The following NR6A1 variants were observed in gnomAD, a reference collection of about 807,000 sequenced individuals.
NR6A1 encodes the protein retinoic acid receptor-related testis-associated receptor.
Under a neutral mutation model 59.1 loss-of-function variants are expected in NR6A1, and 7 were observed. The ratio of observed to expected loss-of-function variants is 0.12; its 90% CI spans 0.07 to 0.22. The LOEUF is 0.22. Among genes scored for constraint, NR6A1 ranks in the 10% least tolerant of loss-of-function variants. The pLI, the probability that NR6A1 is intolerant of heterozygous loss-of-function variation, is 1.00. For missense variants in NR6A1, 468 were observed against 611.6 expected, an observed-to-expected ratio of 0.77 and a Z score of 2.48; for synonymous variants, 243 against 236.1, an observed-to-expected ratio of 1.03 and a Z score of -0.27.
At position 124,636,872 on chromosome 9, in the gene NR6A1, T is replaced by G. The variant is rs542526793; in HGVS notation, c.143-82302A>C. ...AGATCTGCCATTACATTTTTCCATA[T>G]GTACAACTCAAATTGAAAAGGATGC... On this transcript the variant is annotated intron_variant, in intron 2 of 9. Coordinates refer to ENST00000487099, the MANE Select transcript of NR6A1 (RefSeq NM_033334.4). Among the ~76,000 whole-genome samples the G allele has an allele frequency of 1.0e-3, 157 of 152,268 alleles. 1 individual carries two copies. Among genetic ancestry groups the G allele is most frequent in the African/African-American group, 3.7e-3 (153 of 41,552 alleles).
chr9:124,696,362 A>C (rs1273237261), intron 2 of NR6A1, among the ~76,000 whole-genome samples: 1 of 152,160 alleles, frequency 6.6e-6, no homozygotes, highest in Non-Finnish European at 1.5e-5. Context: ...TCAAAAAGGC[A>C]TACTTTGGCT....
intron 2 of NR6A1, among the ~76,000 whole-genome samples, chr9:124,713,744 G>C (rs1457104418): frequency 1.3e-5 from 2 of 152,218 alleles, no homozygotes; most frequent in Admixed American, 6.5e-5. Flanking sequence ...GTAAATAAGT[G>C]TTGGTGAGGA....
At chr9:124,543,729 G>A in intron 4 of NR6A1, 73 bp downstream of exon 4, 2 of 1,164,118 alleles carry the variant, frequency 1.7e-6, no homozygotes, top group Non-Finnish European at 1.2e-6. Context: ...AAGAGTCAAG[G>A]TGAGCAGTTT....
At chr9:124,728,645 T>A (rs1397749595) in intron 2 of NR6A1, among the ~76,000 whole-genome samples, 2 of 144,304 alleles carry the variant, frequency 1.4e-5, no homozygotes, top group Non-Finnish European at 3.2e-5. Flanking sequence ...AAAAAATAAA[T>A]AAATAAATAA....
chr9:124,679,946 C>T (rs890702461), intron 2 of NR6A1, among the ~76,000 whole-genome samples: 1 of 151,416 alleles, frequency 6.6e-6, no homozygotes, highest in African/African-American at 2.4e-5. Flanking sequence ...ACCTAACACC[C>T]ACCAAAATTA....
At chr9:124,656,895 G>A (rs1837276781) in intron 2 of NR6A1, among the ~76,000 whole-genome samples, 1 of 152,166 alleles carries the variant, frequency 6.6e-6, no homozygotes. Context: ...GGGCCTGGGG[G>A]AGGGAAGAAT....
chr9:124,584,239 C>A (rs1469651266), intron 2 of NR6A1, among the ~76,000 whole-genome samples: 2 of 151,904 alleles, frequency 1.3e-5, no homozygotes, highest in Non-Finnish European at 2.9e-5. Flanking sequence ...TCCCGAGTAG[C>A]TGGGATTACA....
At chr9:124,669,429 C>A (rs1837721031) in intron 2 of NR6A1, among the ~76,000 whole-genome samples, 1 of 152,156 alleles carries the variant, frequency 6.6e-6, no homozygotes, top group Non-Finnish European at 1.5e-5. Context: ...ATAAGAGACT[C>A]AAAGTTGTCA....
At chr9:124,538,425 G>A (rs1273897636) in intron 5 of NR6A1, 106 bp from the exon 6 acceptor site, 2 of 782,110 alleles carry the variant, frequency 2.6e-6, no homozygotes, top group East Asian at 2.5e-5. Flanking sequence ...CATGAGGTAT[G>A]TGTCTTCATC....
chr9:124,658,691 C>G (rs1158445184), intron 2 of NR6A1: 1 of 152,196 alleles, frequency 6.6e-6, no homozygotes, highest in Non-Finnish European at 1.5e-5. Flanking sequence ...AAAGATCCAA[C>G]TGTAAAAAGT....
chr9:124,733,774 A>G (rs1215879190), intron 1 of NR6A1, among the ~76,000 whole-genome samples: 2 of 152,238 alleles, frequency 1.3e-5, no homozygotes, highest in Non-Finnish European at 2.9e-5. Flanking sequence ...CAAAGTATGT[A>G]AAATATTAAC....
chr9:124,559,354 G>T (rs1834015496), intron 2 of NR6A1, among the ~76,000 whole-genome samples: 1 of 152,124 alleles, frequency 6.6e-6, no homozygotes, highest in Admixed American at 6.5e-5. Flanking sequence ...TGGTTCAAAG[G>T]CTTTTCTTTA....
chr9:124,645,976 A>T (rs1193175209), intron 2 of NR6A1, among the ~76,000 whole-genome samples: 3 of 152,252 alleles, frequency 2.0e-5, no homozygotes, highest in African/African-American at 7.2e-5. Flanking sequence ...TATCTGGAAC[A>T]TCTCAAATAC....
chr9:124,647,544 A>G (rs1242316905), intron 2 of NR6A1, among the ~76,000 whole-genome samples: 1 of 152,072 alleles, frequency 6.6e-6, no homozygotes, highest in Non-Finnish European at 1.5e-5. Context: ...CCTGGCCAAC[A>G]TGGTGAAACC....
chr9:124,608,914 CTA>C (rs1252141541), intron 2 of NR6A1, among the ~76,000 whole-genome samples: 2 of 152,096 alleles, frequency 1.3e-5, no homozygotes, highest in African/African-American at 4.8e-5. Flanking sequence ...GCTTTTTCTC[CTA>C]TGTTTGTTGG....
chr9:124,527,884 A>G (rs1381737895), intron 7 of NR6A1, among the ~76,000 whole-genome samples: 1 of 152,212 alleles, frequency 6.6e-6, no homozygotes, highest in African/African-American at 2.4e-5. Flanking sequence ...CCAAGGAGGC[A>G]AACACTTAAT....
chr9:124,544,175 G>T (rs1009519080), intron 3 of NR6A1, among the ~76,000 whole-genome samples: 1 of 152,128 alleles, frequency 6.6e-6, no homozygotes, highest in South Asian at 2.1e-4. Flanking sequence ...TGCATCTTAA[G>T]GTTTTGACAA....
chr9:124,708,890 T>G (rs1001972666), intron 2 of NR6A1, among the ~76,000 whole-genome samples: 1 of 152,228 alleles, frequency 6.6e-6, no homozygotes, highest in Non-Finnish European at 1.5e-5. Context: ...CATGGGTCCC[T>G]TTCCCACTGG....
At chr9:124,541,679 G>A (rs534568249) in intron 4 of NR6A1, among the ~76,000 whole-genome samples, 11 of 152,232 alleles carry the variant, frequency 7.2e-5, no homozygotes, top group Middle Eastern at 6.8e-3. Flanking sequence ...CCCATCTATG[G>A]GTATTAATCC....
Sources: allele counts gnomAD v4.1 joint callset (sites outside exome capture counted in the v4.1 genomes callset), GRCh38; gene constraint gnomAD v4.1.1; transcripts MANE v1.5; gene names NCBI Gene and HGNC (gene_info 2026-07-23, HGNC 2026-07-21).